Variants in ADGRL4 observed in about 807,000 individuals in gnomAD.
ADGRL4 encodes the protein adhesion G protein-coupled receptor L4.
Under a neutral mutation model 74.8 loss-of-function variants are expected in ADGRL4, and 90 were observed. The ratio of observed to expected loss-of-function variants is 1.20; its 90% CI spans 1.02 to 1.43. The LOEUF (loss-of-function observed/expected upper bound fraction) is 1.43. Among genes scored for constraint, ADGRL4 ranks in the 40% most tolerant of loss-of-function variants. ADGRL4 has a pLI of 0.00. For synonymous variants in ADGRL4, 311 were observed against 279.2 expected (o/e 1.11, Z -1.14); for missense variants, 881 against 814.3 (o/e 1.08, Z -1.00).
chr1:78,996,470 C>G (rs976004257), intron 2 of ADGRL4, among the ~76,000 whole-genome samples: 1 of 152,190 alleles, frequency 6.6e-6, no homozygotes, highest in Non-Finnish European at 1.5e-5. Flanking sequence ...ATTCCTTAAA[C>G]ATAAACTGAG....
intron 7 of ADGRL4, among the ~76,000 whole-genome samples, chr1:78,931,351 A>C (rs1169743487): frequency 6.6e-6 from 1 of 151,496 alleles, no homozygotes; most frequent in Non-Finnish European, 1.5e-5. Flanking sequence ...AGCGAAGGAG[A>C]AATAAAATCC....
chr1:78,896,514 A>G (rs1175126380), intron 12 of ADGRL4, among the ~76,000 whole-genome samples: 1 of 152,140 alleles, frequency 6.6e-6, no homozygotes, highest in Non-Finnish European at 1.5e-5. Context: ...CTTCTAAGTT[A>G]TCAGTCAGTG....
chr1:78,907,511 T>G (rs1648668305), intron 12 of ADGRL4, among the ~76,000 whole-genome samples: 1 of 152,032 alleles, frequency 6.6e-6, no homozygotes, highest in Non-Finnish European at 1.5e-5. Context: ...TATTAATAGG[T>G]TATTCACACT....
At chr1:78,915,114 T>C (rs766570007) in intron 12 of ADGRL4, among the ~76,000 whole-genome samples, 4 of 151,952 alleles carry the variant, frequency 2.6e-5, no homozygotes, top group African/African-American at 7.2e-5. Context: ...CTCCGACTTA[T>C]CTTTGCGTAT....
At chr1:78,998,341 A>G (rs1409897690) in intron 2 of ADGRL4, among the ~76,000 whole-genome samples, 1 of 139,006 alleles carries the variant, frequency 7.2e-6, no homozygotes, top group East Asian at 2.1e-4. Context: ...TTTTATCAAG[A>G]TATTAAAACT....
chr1:78,994,174 C>T (rs1246299523), intron 2 of ADGRL4, among the ~76,000 whole-genome samples: 2 of 152,232 alleles, frequency 1.3e-5, no homozygotes, highest in South Asian at 4.1e-4. Context: ...AAAGATATTA[C>T]AGAGCAAACC....
rs942607419 is a variant in ADGRL4 at position 78,950,291 on chromosome 1, C to T, written c.173-3865G>A. 1.1e-4 allele frequency among the ~76,000 whole-genome samples: 17 copies of T among 152,036 alleles called. No homozygotes were observed. In the East Asian group the frequency reaches 1.4e-3, roughly 12 times the overall value. On this transcript the variant is annotated intron_variant, in intron 2 of 14. Coordinates refer to ENST00000370742, the MANE Select transcript of ADGRL4 (RefSeq NM_022159.4). ...AATGCCTGGAGTCCTGCAGGAACAG[C>T]GTAATTTAGAGGAGGATTGTACTGT... is the stretch of plus-strand genomic sequence containing the variant.
rs139339110 is a variant in ADGRL4, at chr1:78,914,178, T to C, written c.1749+3456A>G. 6.3e-3 allele frequency among the ~76,000 whole-genome samples: 950 copies of C among 151,966 alleles called. 9 individuals carry two copies. The highest frequency in any genetic ancestry group is 0.022 in the African/African-American group (898 of 41,494). ...TTTCGCAATCATATAAAGTAGAACCTGCTTCTTGTCACATCCACAAACAAG... is the reference window on the plus strand; with the variant it reads ...TTTCGCAATCATATAAAGTAGAACCCGCTTCTTGTCACATCCACAAACAAG... On this transcript the variant is annotated intron_variant, in intron 12 of 14. Coordinates refer to ENST00000370742, the MANE Select transcript of ADGRL4 (RefSeq NM_022159.4).
At chr1:78,920,053 G>A in intron 10 of ADGRL4, 130 bp downstream of exon 10, 1 of 683,774 alleles carries the variant, frequency 1.5e-6, no homozygotes, top group Non-Finnish European at 2.3e-6. Flanking sequence ...AGAAAGGATA[G>A]CTGAAGAACA....
chr1:78,935,578 T>A (rs929800948), intron 7 of ADGRL4, among the ~76,000 whole-genome samples: 2 of 152,072 alleles, frequency 1.3e-5, no homozygotes, highest in African/African-American at 4.8e-5. Context: ...TTTTTCTTCC[T>A]CACACAATCA....
At chr1:78,918,703 A>C (rs1648936554) in intron 10 of ADGRL4, among the ~76,000 whole-genome samples, 2 of 151,878 alleles carry the variant, frequency 1.3e-5, no homozygotes, top group African/African-American at 2.4e-5. Flanking sequence ...CATACTAGTA[A>C]AGCTAAAGGT....
chr1:78,932,162 C>T (rs115099822), intron 7 of ADGRL4, among the ~76,000 whole-genome samples: 3 of 151,372 alleles, frequency 2.0e-5, no homozygotes, highest in Non-Finnish European at 4.4e-5. Flanking sequence ...ATTCTAAAAT[C>T]GACTACATAA....
intron 2 of ADGRL4, among the ~76,000 whole-genome samples, chr1:78,982,924 A>C (rs1307686697): frequency 1.3e-5 from 2 of 151,866 alleles, no homozygotes; most frequent in Non-Finnish European, 2.9e-5. Flanking sequence ...CTACATATTC[A>C]GTGATAGGAT....
intron 2 of ADGRL4, among the ~76,000 whole-genome samples, chr1:78,997,137 AG>A (rs1268217732): frequency 6.6e-6 from 1 of 151,794 alleles, no homozygotes; most frequent in Non-Finnish European, 1.5e-5. Context: ...AAAGCACAGG[AG>A]GAATATAAAA....
intron 3 of ADGRL4, among the ~76,000 whole-genome samples, chr1:78,943,314 T>C (rs999518709): frequency 1.3e-5 from 2 of 152,214 alleles, no homozygotes; most frequent in Non-Finnish European, 2.9e-5. Flanking sequence ...GACTTTACTA[T>C]TGGATGCCTC....
At chr1:78,950,659 T>C (rs1311154154) in intron 2 of ADGRL4, among the ~76,000 whole-genome samples, 4 of 152,110 alleles carry the variant, frequency 2.6e-5, no homozygotes, top group East Asian at 1.9e-4. Flanking sequence ...AAACAGGTGA[T>C]AGCTACATGC....
intron 12 of ADGRL4, among the ~76,000 whole-genome samples, chr1:78,899,231 C>A (rs890717903): frequency 6.6e-6 from 1 of 152,172 alleles, no homozygotes; most frequent in African/African-American, 2.4e-5. Context: ...AGTCAACTGG[C>A]CTAGGACAGA....
In ADGRL4 at chr1:79,003,833, C is replaced by T. The variant is rs531222947; in HGVS notation, c.172+1237G>A. ...TGAAGGTCACTCAACTTTACACTTG[C>T]TACAATGCCATTCAATTAAATACAC... is the stretch of plus-strand genomic sequence containing the variant. On this transcript the variant is annotated intron_variant, in intron 2 of 14. Coordinates refer to ENST00000370742, the MANE Select transcript of ADGRL4 (RefSeq NM_022159.4). 5.3e-5 allele frequency among the ~76,000 whole-genome samples: 8 copies of T among 152,036 alleles called. No individual in the cohort carries two copies. In the South Asian group the frequency reaches 1.7e-3, roughly 32 times the overall value.
chr1:78,951,735 T>C (rs1003771314), intron 2 of ADGRL4, among the ~76,000 whole-genome samples: 1 of 152,214 alleles, frequency 6.6e-6, no homozygotes, highest in Non-Finnish European at 1.5e-5. Flanking sequence ...GGTTAAATCA[T>C]GCTAGCGTAG....
Sources: gnomAD v4.1 joint callset for allele counts (sites outside exome capture counted in the v4.1 genomes callset) on GRCh38, gnomAD v4.1.1 for gene constraint, MANE v1.5 for transcripts, NCBI Gene and HGNC (gene_info 2026-07-23, HGNC 2026-07-21) for gene names.